PLPP1: variants seen among roughly 807,000 people sequenced by gnomAD.
PLPP1 encodes the protein phospholipid phosphatase 1, also known as lipid phosphate phosphohydrolase 1a.
In PLPP1, 24 loss-of-function variants were observed where a neutral mutation model predicts 31.2. The observed-to-expected ratio is 0.77, with a 90% CI of 0.56 to 1.08. PLPP1 has a LOEUF of 1.08. PLPP1 is among the 50% of genes least tolerant of loss of function. PLPP1 has a pLI of 0.00. For missense variants in PLPP1, 319 were observed against 342.7 expected (o/e 0.93, Z 0.55); for synonymous variants, 146 against 126.3 (o/e 1.16, Z -1.05).
At chr5:55,518,075 C>T (rs549986258) in intron 1 of PLPP1, among the ~76,000 whole-genome samples, 20 of 152,200 alleles carry the variant, frequency 1.3e-4, no homozygotes, top group African/African-American at 3.9e-4. Flanking sequence ...TCTCGTGATC[C>T]GCCTGCCTCG....
At chr5:55,467,575 T>C (rs1368896666) in intron 3 of PLPP1, among the ~76,000 whole-genome samples, 3 of 151,472 alleles carry the variant, frequency 2.0e-5, no homozygotes, top group Non-Finnish European at 2.9e-5. Context: ...ATATGTTATC[T>C]GGCATCTTAA....
At chr5:55,529,077 G>A (rs1199865868) in intron 1 of PLPP1, among the ~76,000 whole-genome samples, 1 of 151,900 alleles carries the variant, frequency 6.6e-6, no homozygotes, top group Non-Finnish European at 1.5e-5. Flanking sequence ...TTTCTAAGGT[G>A]TAATAGCAGC....
intron 3 of PLPP1, among the ~76,000 whole-genome samples, chr5:55,460,536 T>C (rs1005302215): frequency 3.9e-5 from 6 of 152,186 alleles, no homozygotes; most frequent in East Asian, 1.9e-4. Context: ...TATAATGACA[T>C]GATGAACAAT....
At chr5:55,505,722 T>C (rs1753259590) in intron 1 of PLPP1, among the ~76,000 whole-genome samples, 1 of 152,140 alleles carries the variant, frequency 6.6e-6, no homozygotes, top group Admixed American at 6.5e-5. Flanking sequence ...ACAGCTAAAA[T>C]ACCACATGAA....
At chr5:55,462,827 G>T (rs536274711) in intron 3 of PLPP1, among the ~76,000 whole-genome samples, 25 of 152,110 alleles carry the variant, frequency 1.6e-4, no homozygotes, top group Non-Finnish European at 3.2e-4. Context: ...CAAAAAATTA[G>T]CTGGGTATGG....
chr5:55,522,294 G>T (rs1384860226), intron 1 of PLPP1, among the ~76,000 whole-genome samples: 5 of 152,228 alleles, frequency 3.3e-5, no homozygotes, highest in African/African-American at 1.2e-4. Flanking sequence ...GCATGTTACT[G>T]AATAGGGGAA....
At chr5:55,461,056 C>G (rs1476652800) in intron 3 of PLPP1, among the ~76,000 whole-genome samples, 2 of 151,996 alleles carry the variant, frequency 1.3e-5, no homozygotes, top group African/African-American at 4.8e-5. Flanking sequence ...ATTAGCTAGG[C>G]GTGGTGGCGC....
chr5:55,498,601 T>C (rs1438839007), intron 1 of PLPP1, among the ~76,000 whole-genome samples: 1 of 151,226 alleles, frequency 6.6e-6, no homozygotes, highest in Non-Finnish European at 1.5e-5. Context: ...CTGAAACATA[T>C]AAACAATAAT....
chr5:55,498,534 A>G (rs1376894031), intron 1 of PLPP1, among the ~76,000 whole-genome samples: 1 of 152,170 alleles, frequency 6.6e-6, no homozygotes, highest in African/African-American at 2.4e-5. Context: ...TCTTGCTTAC[A>G]GTAAGCATTT....
intron 1 of PLPP1, among the ~76,000 whole-genome samples, chr5:55,532,276 A>T (rs1391028467): frequency 6.6e-6 from 1 of 152,106 alleles, no homozygotes. Flanking sequence ...TAATACCATT[A>T]GCTTCAGCTA....
At chr5:55,504,763 TA>T (rs1753234882) in intron 1 of PLPP1, among the ~76,000 whole-genome samples, 1 of 151,646 alleles carries the variant, frequency 6.6e-6, no homozygotes, top group African/African-American at 2.4e-5. Flanking sequence ...AGACTGGAAT[TA>T]ACACTTGATA....
intron 3 of PLPP1, among the ~76,000 whole-genome samples, chr5:55,448,375 A>G (rs1041081854): frequency 1.4e-4 from 21 of 151,282 alleles, no homozygotes; most frequent in African/African-American, 4.4e-4. Flanking sequence ...ACTTTGAGGT[A>G]TGTCTCCTAG....
chr5:55,444,278 G>A (rs1000775559), intron 3 of PLPP1, among the ~76,000 whole-genome samples: 3 of 152,010 alleles, frequency 2.0e-5, no homozygotes, highest in Non-Finnish European at 2.9e-5. Context: ...ACGAGGTTTC[G>A]CCACATTGGC....
chr5:55,522,378 A>G (rs1460163773), intron 1 of PLPP1, among the ~76,000 whole-genome samples: 1 of 152,204 alleles, frequency 6.6e-6, no homozygotes, highest in Non-Finnish European at 1.5e-5. Flanking sequence ...GAGATATGAA[A>G]TATTAAAGTG....
chr5:55,432,085 TTTTC>T lies in PLPP1; in HGVS notation c.550-6050_550-6047del, dbSNP rs1751368739. Among the ~76,000 whole-genome samples, 8 of 64,440 alleles carry T rather than the reference TTTTC, an allele frequency of 1.2e-4. No individual in the cohort carries two copies. The Admixed American group carries it at 1.6e-3, about 13-fold the overall frequency. 42.3% of individuals were successfully genotyped at this position (64,440 alleles called of 152,430 possible). A position where few individuals can be genotyped will look rare whatever the true frequency, so the allele number is the denominator to read the frequency against. The stretch of plus-strand genomic sequence containing the variant: ...TACAGAGCATGCCAGCATGAATAAT[TTTTC>T]TTTTTCTTCTTTTTTTTTTTTTTTT... On this transcript the variant is annotated intron_variant, in intron 4 of 5. Transcript: ENST00000307259.
Position 55,432,393 on chromosome 5 carries a change from T to A in PLPP1, c.550-6354A>T, listed in dbSNP as rs753868729. On this transcript the variant is annotated intron_variant, in intron 4 of 5. Coordinates refer to ENST00000307259, the MANE Select transcript of PLPP1 (RefSeq NM_003711.4). ...ATGAGTAATGAGATTCAATCAGTAATAAAATGTCTCCCATTTGGTCCCAAT... is the reference window on the plus strand; with the variant it reads ...ATGAGTAATGAGATTCAATCAGTAAAAAAATGTCTCCCATTTGGTCCCAAT... Among the ~76,000 whole-genome samples the A allele has an allele frequency of 8.1e-4, 124 of 152,232 alleles. 1 individual carries two copies. The highest frequency in any genetic ancestry group is 1.6e-3 in the Non-Finnish European group (106 of 68,012).
At chr5:55,534,530 G>A (rs1333889383) in intron 1 of PLPP1, 42 bp downstream of exon 1, 1 of 1,515,412 alleles carries the variant, frequency 6.6e-7, no homozygotes, top group Non-Finnish European at 8.8e-7. Context: ...GCCCTCCCGG[G>A]ACAGCCGCAC....
At chr5:55,474,721 G>GA (rs1380241150) in intron 2 of PLPP1, among the ~76,000 whole-genome samples, 2 of 152,100 alleles carry the variant, frequency 1.3e-5, no homozygotes, top group Non-Finnish European at 2.9e-5. Context: ...TACAGAGGGA[G>GA]AATCAAAAAC....
intron 1 of PLPP1, among the ~76,000 whole-genome samples, chr5:55,497,661 C>A (rs1753031650): frequency 6.6e-6 from 1 of 152,078 alleles, no homozygotes. Flanking sequence ...CCATCAGGAT[C>A]CCAGCAGGAA....
Sources: gnomAD v4.1 joint callset for allele counts (sites outside exome capture counted in the v4.1 genomes callset) on GRCh38, gnomAD v4.1.1 for gene constraint, MANE v1.5 for transcripts, NCBI Gene and HGNC (gene_info 2026-07-23, HGNC 2026-07-21) for gene names.